Variants in ADPRHL1 observed in about 807,000 individuals in gnomAD.
ADPRHL1 encodes the protein ADP-ribosylhydrolase like 1.
ADPRHL1 carries 43 observed loss-of-function variants against 44.1 expected under a neutral mutation model. The observed-to-expected ratio is 0.98, with a 90% CI of 0.76 to 1.26. The LOEUF is 1.26. Ranked by LOEUF, ADPRHL1 falls within the 50% of genes most tolerant of loss-of-function variation. ADPRHL1 has a pLI of 0.00. For missense variants in ADPRHL1, 2,022 were observed against 2,496.9 expected (o/e 0.81, Z 4.05); for synonymous variants, 878 against 1,017.4 (o/e 0.86, Z 2.61).
At chr13:113,439,444 ATTTT>A (rs34104211) in intron 2 of ADPRHL1, among the ~76,000 whole-genome samples, 1 of 137,862 alleles carries the variant, frequency 7.3e-6, no homozygotes, top group Admixed American at 7.3e-5. Flanking sequence ...TTTTCTTTGT[ATTTT>A]TTTTTTTTTT....
chr13:113,444,082 C>G (rs569460716), intron 2 of ADPRHL1, among the ~76,000 whole-genome samples: 1 of 152,044 alleles, frequency 6.6e-6, no homozygotes, highest in Non-Finnish European at 1.5e-5. Flanking sequence ...CTTGAACAGA[C>G]GCTCGTGCTG....
At chr13:113,420,790 G>A (rs576881577) in intron 7 of ADPRHL1, among the ~76,000 whole-genome samples, 3 of 151,998 alleles carry the variant, frequency 2.0e-5, no homozygotes, top group Admixed American at 6.5e-5. Context: ...CCCACAAAAC[G>A]AACGGGGCAT....
At chr13:113,412,788 G>C (rs1207115279) in intron 7 of ADPRHL1, among the ~76,000 whole-genome samples, 2 of 100,362 alleles carry the variant, frequency 2.0e-5, no homozygotes, top group African/African-American at 3.7e-5. Context: ...CGCAGAACTC[G>C]GTTCACCCAC....
chr13:113,405,293 G>A lies in ADPRHL1; in HGVS notation c.3989C>T (p.Thr1330Ile), dbSNP rs1244555807. 1.6e-6 allele frequency: 2 copies of A among 1,231,782 alleles called. No individual in the cohort carries two copies. Among genetic ancestry groups the A allele is most frequent in the Admixed American group, 4.2e-5 (1 of 23,700 alleles). The allele number at this position is 1,231,782 out of a possible 1,614,324, so 76.3% of individuals were successfully genotyped here. The stretch of plus-strand genomic sequence containing the variant: ...TAGATGGGGAGGGCCCCGCTGGTGG[G>A]TGCCACCTACCCACCCCATGTCCAC... ...AEVDMGWVGGTHQRGPPHLQA... is the reference protein window; with the variant it reads ...AEVDMGWVGGIHQRGPPHLQA... Residue 1330 changes from threonine to isoleucine, a missense_variant, in exon 8 of 8, where the codon ACC becomes ATC. Physicochemically the swap from Thr to Ile is moderately conservative, Grantham distance 89. Around this residue, in one of 8 missense-constraint regions of ADPRHL1, gnomAD observed 1,221 missense variants for 1,517.8 expected, o/e 0.80. Coordinates refer to ENST00000612156, the MANE Select transcript of ADPRHL1 (RefSeq NM_001394807.1).
intron 6 of ADPRHL1, among the ~76,000 whole-genome samples, chr13:113,423,921 C>A (rs1450726657): frequency 6.6e-6 from 1 of 152,242 alleles, no homozygotes; most frequent in Non-Finnish European, 1.5e-5. Flanking sequence ...TAAGGCTGCA[C>A]TGGCCTCCAG....
intron 2 of ADPRHL1, 127 bp from the exon 3 acceptor site, chr13:113,433,994 T>A (rs1227451648): frequency 9.6e-6 from 13 of 1,356,136 alleles, no homozygotes; most frequent in African/African-American, 1.5e-5. Context: ...GAGTGTGGTT[T>A]AAATGAGCGA....
chr13:113,403,862 T>A lies in ADPRHL1; in HGVS notation c.5420A>T (p.Gln1807Leu), dbSNP rs1370901732. ...AGGCGCCATCCCACTTGTCAAGGCC[T>A]GTTCCCGACCCTGTTCCCAAGCCCG... ...QERAWEQGRE[Q>L]ALTSGMAPRA... Residue 1807 changes from glutamine to leucine, a missense_variant, in exon 8 of 8, where the codon CAG becomes CTG. This residue lies in a region of ADPRHL1 where 205 missense variants were observed against 250.1 expected (regional missense o/e 0.82). Transcript: ENST00000612156. 28 of 1,248,084 alleles carry A rather than the reference T, an allele frequency of 2.2e-5. No homozygotes were observed. Among genetic ancestry groups the A allele is most frequent in the Non-Finnish European group, 2.7e-5 (27 of 999,224 alleles). 77.3% of individuals were successfully genotyped at this position (1,248,084 alleles called of 1,614,324 possible).
chr13:113,420,913 AC>A (rs2043913578), intron 7 of ADPRHL1, among the ~76,000 whole-genome samples: 1 of 43,298 alleles, frequency 2.3e-5, no homozygotes, highest in Non-Finnish European at 4.6e-5. Flanking sequence ...GGACACCACT[AC>A]CCCTGGGACA....
Position 113,413,370 on chromosome 13 carries a change from A to AGAGGCCCAGCTCTGT in ADPRHL1, c.1062-5165_1062-5151dup, listed in dbSNP as rs529745184. 9.8e-3 allele frequency among the ~76,000 whole-genome samples: 1,497 copies of AGAGGCCCAGCTCTGT among 152,224 alleles called. 11 individuals are homozygous for AGAGGCCCAGCTCTGT. Among genetic ancestry groups the AGAGGCCCAGCTCTGT allele is most frequent in the Middle Eastern group, 0.02 (6 of 294 alleles). On this transcript the variant is annotated intron_variant, in intron 7 of 7. Transcript: ENST00000612156. ...GCCCCCACCTCAGGGAGCCTTTCCC[A>AGAGGCCCAGCTCTGT]GAGGCCCAGCTCTGTGAGCCCCACG...
At chr13:113,418,887 C>T (rs1948434539) in intron 7 of ADPRHL1, among the ~76,000 whole-genome samples, 1 of 151,428 alleles carries the variant, frequency 6.6e-6, no homozygotes, top group African/African-American at 2.4e-5. Flanking sequence ...TGCGGATCCA[C>T]AGGGATGTGC....
intron 1 of ADPRHL1, among the ~76,000 whole-genome samples, chr13:113,445,408 G>C (rs2044129418): frequency 6.6e-6 from 1 of 152,262 alleles, no homozygotes; most frequent in Non-Finnish European, 1.5e-5. Context: ...TCAGAGCCCT[G>C]GTGCCTGGCC....
rs749116851 is a variant in ADPRHL1 at position 113,444,592 on chromosome 13, G to A, written c.215-3C>T. ...CAGATCATCCAGGCACCAGTAGTCT[G>A]CGGAAGAAAGGGAGGGCAGACATCA... On this transcript the variant is annotated splice_region_variant and splice_polypyrimidine_tract_variant and intron_variant, in intron 1 of 7. Transcript: ENST00000612156. 1 of 1,612,746 alleles carries A rather than the reference G, an allele frequency of 6.2e-7. No homozygotes were observed. Among genetic ancestry groups the A allele is most frequent in the Non-Finnish European group, 8.5e-7 (1 of 1,179,002 alleles).
chr13:113,424,363 C>T lies in ADPRHL1; in HGVS notation c.775-14G>A, dbSNP rs202204683. ...CTTCCTGTAGGTCTGACAAGAGAGC[C>T]GTGGGTCGGGGCGTGTGCCCAAGTG... On this transcript the variant is annotated splice_polypyrimidine_tract_variant and intron_variant, in intron 5 of 7. Transcript: ENST00000612156. 9.8e-5 allele frequency: 158 copies of T among 1,612,516 alleles called. No individual in the cohort carries two copies. Among genetic ancestry groups the T allele is most frequent in the Admixed American group, 3.7e-4 (22 of 59,992 alleles).
At position 113,424,203 on chromosome 13, in the gene ADPRHL1, A is replaced by G; in HGVS notation, c.907+14T>C. On this transcript the variant is annotated intron_variant, in intron 6 of 7. Transcript: ENST00000612156. ...TACCCTCCAGGAAGCCACGGCCATT[A>G]AGGAACATCTCACCTCCATGAAACA... The G allele has an allele frequency of 6.2e-7, 1 of 1,612,402 alleles. No homozygotes were observed. The highest frequency in any genetic ancestry group is 8.5e-7 in the Non-Finnish European group (1 of 1,179,684).
At chr13:113,423,570 A>T (rs932081211) in intron 6 of ADPRHL1, among the ~76,000 whole-genome samples, 1 of 152,178 alleles carries the variant, frequency 6.6e-6, no homozygotes, top group Non-Finnish European at 1.5e-5. Flanking sequence ...CACTGAAGGG[A>T]GGCAATTTCA....
rs1241442258 is a variant in ADPRHL1, at chr13:113,406,573, G to A, written c.2709C>T (p.Ser903=). ...RRGHRAPVEL[S]KLSGMQAGLS... ...GTCCCGCCTGCATCCCTGAAAGCTT[G>A]CTCAGTTCCACTGGGGCTCGGTGAC... Residue 903 remains serine, a synonymous_variant, in exon 8 of 8, where the codon AGC becomes AGT. Coordinates refer to ENST00000612156, the MANE Select transcript of ADPRHL1 (RefSeq NM_001394807.1). 1.6e-6 allele frequency: 2 copies of A among 1,232,058 alleles called. No homozygotes were observed. Among genetic ancestry groups the A allele is most frequent in the Non-Finnish European group, 2.0e-6 (2 of 987,958 alleles). 76.3% of individuals were successfully genotyped at this position (1,232,058 alleles called of 1,614,324 possible).
intron 1 of ADPRHL1, among the ~76,000 whole-genome samples, chr13:113,450,538 A>G (rs2044171208): frequency 6.6e-6 from 1 of 152,110 alleles, no homozygotes; most frequent in Non-Finnish European, 1.5e-5. Context: ...CTGCACTGTT[A>G]TTTATTGGAT....
At chr13:113,415,384 T>C (rs2043881980) in intron 7 of ADPRHL1, among the ~76,000 whole-genome samples, 1 of 152,222 alleles carries the variant, frequency 6.6e-6, no homozygotes, top group Non-Finnish European at 1.5e-5. Context: ...GGAAATGTTC[T>C]GCCCAGAGGC....
At chr13:113,433,240 G>A (rs1003587820) in intron 3 of ADPRHL1, among the ~76,000 whole-genome samples, 9 of 152,280 alleles carry the variant, frequency 5.9e-5, no homozygotes, top group Middle Eastern at 3.4e-3. Context: ...TCCCTTGGCC[G>A]GCGGGTGGTG....
Sources: allele counts gnomAD v4.1 joint callset (sites outside exome capture counted in the v4.1 genomes callset), GRCh38; gene constraint gnomAD v4.1.1; regional missense constraint gnomAD v4.1.1; transcripts MANE v1.5; gene names NCBI Gene and HGNC (gene_info 2026-07-23, HGNC 2026-07-21).